The following DGKB variants were observed in gnomAD, a reference collection of about 807,000 sequenced individuals.
The protein encoded by DGKB is 90 kDa diacylglycerol kinase.
DGKB carries 67 observed loss-of-function variants against 114.3 expected under a neutral mutation model. The ratio of observed to expected loss-of-function variants is 0.59; its 90% CI spans 0.48 to 0.72. The LOEUF (loss-of-function observed/expected upper bound fraction) is 0.72. DGKB is among the 30% of genes least tolerant of loss of function. DGKB has a pLI of 0.00. For synonymous variants in DGKB, 398 were observed against 323.1 expected, an observed-to-expected ratio of 1.23 and a Z score of -2.49; for missense variants, 907 against 975.2, an observed-to-expected ratio of 0.93 and a Z score of 0.93.
At chr7:14,179,572 T>C (rs761471411) in intron 23 of DGKB, among the ~76,000 whole-genome samples, 1 of 152,190 alleles carries the variant, frequency 6.6e-6, no homozygotes, top group Non-Finnish European at 1.5e-5. Context: ...TCCTCACTAA[T>C]GACTCCATTT....
intron 7 of DGKB, among the ~76,000 whole-genome samples, chr7:14,700,722 G>A (rs981019589): frequency 6.6e-6 from 1 of 151,998 alleles, no homozygotes; most frequent in African/African-American, 2.4e-5. Flanking sequence ...GCTGCCATAG[G>A]GTGGTCTATC....
intron 17 of DGKB, among the ~76,000 whole-genome samples, chr7:14,586,615 T>C (rs1268955206): frequency 6.6e-6 from 1 of 152,104 alleles, no homozygotes; most frequent in Non-Finnish European, 1.5e-5. Context: ...GAGAAGTCAA[T>C]GCCTGGCCTC....
chr7:14,333,594 C>G (rs1157914531), intron 23 of DGKB, among the ~76,000 whole-genome samples: 2 of 151,834 alleles, frequency 1.3e-5, no homozygotes, highest in Non-Finnish European at 2.9e-5. Context: ...TTGGCAATAT[C>G]CTGATACAGA....
At chr7:14,552,480 T>A (rs17168263) in intron 20 of DGKB, among the ~76,000 whole-genome samples, 5,936 of 152,202 alleles carry the variant, frequency 0.039, 208 homozygotes, top group East Asian at 0.2. Context: ...ATTTTGCAAA[T>A]CTGTTTAACT....
chr7:14,750,150 G>T (rs1833898580), intron 4 of DGKB: 3 of 518,352 alleles, frequency 5.8e-6, no homozygotes, highest in Non-Finnish European at 7.7e-6. Context: ...AACACCACAA[G>T]CTTCTAATTG....
At chr7:14,942,451 C>A (rs1785619567) in intron 1 of DGKB, among the ~76,000 whole-genome samples, 2 of 151,846 alleles carry the variant, frequency 1.3e-5, no homozygotes, top group Admixed American at 1.3e-4. Flanking sequence ...AATCGCTTAA[C>A]CTTACTTTAA....
At chr7:14,718,299 G>T (rs543296216) in intron 6 of DGKB, among the ~76,000 whole-genome samples, 1 of 152,160 alleles carries the variant, frequency 6.6e-6, no homozygotes, top group East Asian at 1.9e-4. Context: ...GCTTTTTAAA[G>T]TCATATGACA....
chr7:14,733,762 A>G (rs920610920), intron 5 of DGKB, among the ~76,000 whole-genome samples: 4 of 135,688 alleles, frequency 2.9e-5, no homozygotes, highest in Non-Finnish European at 4.8e-5. Context: ...AGAAAGAAAG[A>G]AAGAAAGAAA....
At chr7:14,900,335 G>C (rs1037075601) in intron 1 of DGKB, among the ~76,000 whole-genome samples, 1 of 152,148 alleles carries the variant, frequency 6.6e-6, no homozygotes, top group African/African-American at 2.4e-5. Flanking sequence ...CCTGGAGTTT[G>C]CTCTGGGCAA....
At chr7:14,788,404 A>G (rs1840195903) in intron 2 of DGKB, among the ~76,000 whole-genome samples, 1 of 152,196 alleles carries the variant, frequency 6.6e-6, no homozygotes, top group East Asian at 1.9e-4. Context: ...GGTCTTGCTA[A>G]TGCTGGAGGA....
intron 2 of DGKB, among the ~76,000 whole-genome samples, chr7:14,777,434 CAT>C (rs1174604028): frequency 2.6e-5 from 4 of 152,234 alleles, no homozygotes; most frequent in Non-Finnish European, 4.4e-5. Flanking sequence ...ATAATCCCCA[CAT>C]GTCATGGGAG....
chr7:14,734,853 G>A (rs1276683277), intron 5 of DGKB, among the ~76,000 whole-genome samples: 5 of 152,096 alleles, frequency 3.3e-5, no homozygotes, highest in African/African-American at 4.8e-5. Flanking sequence ...ATCAAAGAGT[G>A]AGAAACACTG....
At chr7:14,249,418 G>A (rs1794920401) in intron 23 of DGKB, among the ~76,000 whole-genome samples, 1 of 152,062 alleles carries the variant, frequency 6.6e-6, no homozygotes, top group Non-Finnish European at 1.5e-5. Context: ...AGGAAGCACT[G>A]GCATTCTTTT....
intron 6 of DGKB, among the ~76,000 whole-genome samples, chr7:14,706,932 C>G (rs1826355922): frequency 7.0e-6 from 1 of 142,034 alleles, no homozygotes; most frequent in Non-Finnish European, 1.5e-5. Flanking sequence ...CAAACACATT[C>G]AAAAGCTAGC....
At chr7:14,656,174 A>T (rs1474363158) in intron 13 of DGKB, among the ~76,000 whole-genome samples, 1 of 151,712 alleles carries the variant, frequency 6.6e-6, no homozygotes, top group East Asian at 1.9e-4. Context: ...GTAACTATAG[A>T]TAAAGTGAAG....
intron 5 of DGKB, among the ~76,000 whole-genome samples, chr7:14,727,075 T>C (rs1465039845): frequency 1.3e-5 from 2 of 152,146 alleles, no homozygotes; most frequent in Non-Finnish European, 2.9e-5. Flanking sequence ...TATTACAAAC[T>C]GTAAATAAAT....
In DGKB at chr7:14,237,123, A is replaced by C. The variant is rs184215988; in HGVS notation, c.2123-58972T>G. On this transcript the variant is annotated intron_variant, in intron 23 of 25. Coordinates refer to ENST00000402815, the MANE Select transcript of DGKB (RefSeq NM_001350709.2). The stretch of plus-strand genomic sequence containing the variant: ...GTAAAGTTCCATAGTCCAGCGTTAC[A>C]CTTGCCTAGCACATTTCTACATGAA... 1.9e-4 allele frequency among the ~76,000 whole-genome samples: 29 copies of C among 152,122 alleles called. No individual in the cohort carries two copies. In the East Asian group the frequency reaches 5.4e-3, roughly 28 times the overall value.
chr7:14,909,379 A>G (rs1393412860), intron 1 of DGKB, among the ~76,000 whole-genome samples: 1 of 152,170 alleles, frequency 6.6e-6, no homozygotes, highest in Admixed American at 6.5e-5. Flanking sequence ...TCATTCTTAT[A>G]TGCTTTTAAT....
intron 21 of DGKB, among the ~76,000 whole-genome samples, chr7:14,399,470 TAATAAC>T (rs1822758473): frequency 6.6e-6 from 1 of 151,644 alleles, no homozygotes; most frequent in Non-Finnish European, 1.5e-5. Context: ...TATATTTTAT[TAATAAC>T]AATACTTACA....
Sources: allele counts gnomAD v4.1 joint callset (sites outside exome capture counted in the v4.1 genomes callset), GRCh38; gene constraint gnomAD v4.1.1; transcripts MANE v1.5; gene names NCBI Gene and HGNC (gene_info 2026-07-23, HGNC 2026-07-21).